Variants in CSMD2 observed in about 807,000 individuals in gnomAD.
CSMD2 encodes the protein CUB and sushi domain-containing protein 2.
In CSMD2, 130 loss-of-function variants were observed where a neutral mutation model predicts 398.5. The observed-to-expected ratio is 0.33, with a 90% CI of 0.28 to 0.38. The LOEUF is 0.38. Ranked by LOEUF, CSMD2 falls within the 10% of genes least tolerant of loss-of-function variation. The pLI, the probability that CSMD2 is intolerant of heterozygous loss-of-function variation, is 1.00. For missense variants in CSMD2, 3,829 were observed against 4,764.9 expected, an observed-to-expected ratio of 0.80 and a Z score of 5.78; for synonymous variants, 1,828 against 1,908.5, an observed-to-expected ratio of 0.96 and a Z score of 1.10.
intron 25 of CSMD2, among the ~76,000 whole-genome samples, chr1:33,675,603 T>C (rs1244649943): frequency 6.6e-6 from 1 of 152,230 alleles, no homozygotes; most frequent in African/African-American, 2.4e-5. Flanking sequence ...CCCTAACTCA[T>C]TTTATGAGGC....
intron 49 of CSMD2, 70 bp downstream of exon 49, chr1:33,577,226 T>C: frequency 7.0e-7 from 1 of 1,437,506 alleles, no homozygotes; most frequent in South Asian, 1.4e-5. Flanking sequence ...AAGTGACTAG[T>C]CCTGGGACAA....
chr1:33,602,537 C>T lies in CSMD2; in HGVS notation c.6542G>A (p.Gly2181Asp), dbSNP rs909325102. Residue 2181 changes from glycine to aspartate, a missense_variant, in exon 43 of 71, where the codon GGC (glycine) becomes GAC (aspartate). By Grantham distance (94) the Gly-to-Asp change is moderately conservative (BLOSUM62 -1). Around this residue, in one of 5 missense-constraint regions of CSMD2, gnomAD observed 723 missense variants for 758.6 expected, o/e 0.95. Coordinates refer to ENST00000373381, the MANE Select transcript of CSMD2 (RefSeq NM_001281956.2). ...HPLPKCEVPC[G>D]GNITSSNGTV... Reference sequence around the variant, plus strand: ...GCCGTTGGAAGAAGTGATGTTCCCGCCACAAGGGACTGCCAGGGAGGGAAC... The same window carrying T: ...GCCGTTGGAAGAAGTGATGTTCCCGTCACAAGGGACTGCCAGGGAGGGAAC... The T allele has an allele frequency of 5.6e-6, 9 of 1,599,084 alleles. No homozygotes were observed. Among genetic ancestry groups the T allele is most frequent in the Non-Finnish European group, 7.7e-6 (9 of 1,172,246 alleles).
intron 1 of CSMD2, among the ~76,000 whole-genome samples, chr1:34,121,668 T>G (rs978355411): frequency 2.0e-5 from 3 of 152,178 alleles, no homozygotes; most frequent in African/African-American, 4.8e-5. Flanking sequence ...TGGGAAGCTT[T>G]GTAAAATCAC....
At chr1:33,662,712 A>G (rs1244515679) in intron 26 of CSMD2, among the ~76,000 whole-genome samples, 178 bp downstream of exon 26, 3 of 152,128 alleles carry the variant, frequency 2.0e-5, no homozygotes, top group African/African-American at 7.2e-5. Context: ...TGTCTTCCCT[A>G]CCAGAGTGAG....
chr1:33,872,355 G>C (rs1640537277), intron 5 of CSMD2, among the ~76,000 whole-genome samples: 1 of 152,176 alleles, frequency 6.6e-6, no homozygotes, highest in Non-Finnish European at 1.5e-5. Flanking sequence ...ATTAAGAAAT[G>C]GCATTTGAGC....
chr1:34,108,311 T>C (rs1192464543), intron 1 of CSMD2, among the ~76,000 whole-genome samples: 1 of 152,088 alleles, frequency 6.6e-6, no homozygotes, highest in Non-Finnish European at 1.5e-5. Flanking sequence ...CCTAACATAG[T>C]GCCATGGAAT....
chr1:33,969,164 C>A (rs1285634323), intron 3 of CSMD2, among the ~76,000 whole-genome samples: 6 of 152,258 alleles, frequency 3.9e-5, no homozygotes, highest in South Asian at 4.1e-4. Flanking sequence ...AATGGCCACA[C>A]TGTTCAAGGC....
intron 3 of CSMD2, among the ~76,000 whole-genome samples, chr1:34,005,008 G>A (rs1360498588): frequency 1.3e-5 from 2 of 152,296 alleles, no homozygotes. Flanking sequence ...GGGCATGGAT[G>A]GCTCAGCAGC....
At chr1:34,105,117 AT>A (rs1230011906) in intron 1 of CSMD2, among the ~76,000 whole-genome samples, 37 of 152,332 alleles carry the variant, frequency 2.4e-4, no homozygotes, top group African/African-American at 8.7e-4. Context: ...GATGTTTTTA[AT>A]GAAGATGTGC....
At chr1:33,731,612 G>A (rs182684788) in intron 15 of CSMD2, among the ~76,000 whole-genome samples, 18 of 152,164 alleles carry the variant, frequency 1.2e-4, no homozygotes, top group Non-Finnish European at 2.1e-4. Flanking sequence ...CCAGATAAAT[G>A]ACCCGACTTC....
At chr1:33,577,593 C>T in intron 48 of CSMD2, 109 bp from the exon 49 acceptor site, 2 of 918,564 alleles carry the variant, frequency 2.2e-6, no homozygotes, top group Non-Finnish European at 3.2e-6. Flanking sequence ...TTGTCTTTGC[C>T]ACTGCCACAT....
upstream of CSMD2, chr1:34,165,837 C>T (rs2148599628): frequency 6.2e-7 from 1 of 1,604,892 alleles, no homozygotes; most frequent in Non-Finnish European, 8.5e-7. Context: ...CTACCCCATC[C>T]CAGGAGAGGG....
intron 3 of CSMD2, among the ~76,000 whole-genome samples, chr1:33,966,365 G>A (rs1645558406): frequency 6.6e-6 from 1 of 152,218 alleles, no homozygotes; most frequent in Admixed American, 6.5e-5. Flanking sequence ...TTTGATCCAG[G>A]ACGTAATTCC....
At chr1:33,542,920 A>G in intron 57 of CSMD2, 24 bp from the exon 58 acceptor site, 1 of 1,603,288 alleles carries the variant, frequency 6.2e-7, no homozygotes, top group Non-Finnish European at 8.5e-7. Flanking sequence ...AATACACATT[A>G]TTCACCAGAA....
chr1:33,855,975 T>C (rs1306786275), intron 5 of CSMD2, among the ~76,000 whole-genome samples: 1 of 152,344 alleles, frequency 6.6e-6, no homozygotes, highest in African/African-American at 2.4e-5. Flanking sequence ...AGTGCTATAT[T>C]TGAATCTGCG....
intron 1 of CSMD2, among the ~76,000 whole-genome samples, chr1:34,119,416 A>C (rs900470974): frequency 2.0e-5 from 3 of 152,228 alleles, no homozygotes; most frequent in Non-Finnish European, 4.4e-5. Flanking sequence ...AAAAATAGAC[A>C]AACGAAACTA....
At position 33,759,286 on chromosome 1, in the gene CSMD2, T is replaced by A. The variant is rs562528371; in HGVS notation, c.1846+13283A>T. On this transcript the variant is annotated intron_variant, in intron 13 of 70. Transcript: ENST00000373381. ...TGAGGGGGAGAGAGGTAGGAAGGGG[T>A]TAATCATACAGAGCTTGAGTTTCTT... Among the ~76,000 whole-genome samples the A allele has an allele frequency of 2.7e-5, 4 of 150,740 alleles. No homozygotes were observed. In the East Asian group the frequency reaches 7.9e-4, roughly 30 times the overall value.
In CSMD2 at chr1:33,633,384, GC is replaced by G. The variant is rs1289006736; in HGVS notation, c.5200+37del. ...CCTTTAGCCGGACGTGATGCCCCCG[GC>G]CCACAACCATCCCCACACTGGCCGA... On this transcript the variant is annotated intron_variant, in intron 32 of 70. Coordinates refer to ENST00000373381, the MANE Select transcript of CSMD2 (RefSeq NM_001281956.2). This position sits in a 1 kb window ranked among gnomAD's most constrained non-coding sequence, Gnocchi z 5.0. 2.1e-6 allele frequency: 3 copies of G among 1,458,060 alleles called. No individual in the cohort carries two copies. The highest frequency in any genetic ancestry group is 2.8e-6 in the Non-Finnish European group (3 of 1,063,162). 90.3% of individuals were successfully genotyped at this position (1,458,060 alleles called of 1,614,324 possible).
At chr1:33,956,354 GTCTACTTTC>G (rs1321664858) in intron 3 of CSMD2, among the ~76,000 whole-genome samples, 1 of 152,046 alleles carries the variant, frequency 6.6e-6, no homozygotes, top group African/African-American at 2.4e-5. Flanking sequence ...GCAACCACCA[GTCTACTTTC>G]TGTCTCTATG....
Sources: gnomAD v4.1 joint callset for allele counts (sites outside exome capture counted in the v4.1 genomes callset) on GRCh38, gnomAD v4.1.1 for gene constraint, gnomAD v4.1.1 regional missense constraint, Gnocchi (gnomAD v3.1) non-coding constraint, MANE v1.5 for transcripts, NCBI Gene and HGNC (gene_info 2026-07-23, HGNC 2026-07-21) for gene names.